The following MRPL48 variants were observed in gnomAD, a reference collection of about 807,000 sequenced individuals.
MRPL48 encodes mitochondrial ribosomal protein L48, also known as large ribosomal subunit protein mL48.
MRPL48 carries 16 observed loss-of-function variants against 32.9 expected under a neutral mutation model. That is an observed-to-expected ratio of 0.49 (90% CI 0.33 to 0.74). The LOEUF is 0.74. Among genes scored for constraint, MRPL48 ranks in the 30% least tolerant of loss-of-function variants. MRPL48 has a pLI of 0.02. For missense variants in MRPL48, 206 were observed against 245.3 expected (o/e 0.84, Z 1.07); for synonymous variants, 94 against 89.2 (o/e 1.05, Z -0.31).
At chr11:73,860,091 CTT>C in intron 6 of MRPL48, 82 bp downstream of exon 6, 1 of 1,151,898 alleles carries the variant, frequency 8.7e-7, no homozygotes, top group Non-Finnish European at 1.2e-6. Flanking sequence ...CTATTATGCT[CTT>C]TTCTTTTCTT....
intron 5 of MRPL48, chr11:73,850,897 C>T (rs1454239301): frequency 4.8e-5 from 12 of 249,082 alleles, no homozygotes; most frequent in Middle Eastern, 1.4e-3. Context: ...AGGATGGTCT[C>T]GATCTCCTGA....
At chr11:73,826,936 C>G (rs954577414) in intron 4 of MRPL48, among the ~76,000 whole-genome samples, 1 of 151,926 alleles carries the variant, frequency 6.6e-6, no homozygotes, top group East Asian at 2.0e-4. Context: ...GCCACCAAGC[C>G]TGGCTAATTT....
chr11:73,810,102 A>C (rs1318198668), intron 3 of MRPL48, among the ~76,000 whole-genome samples: 1 of 152,248 alleles, frequency 6.6e-6, no homozygotes, highest in African/African-American at 2.4e-5. Flanking sequence ...TAGGAATAAT[A>C]CAATGAACAT....
intron 1 of MRPL48, among the ~76,000 whole-genome samples, chr11:73,796,090 C>T (rs1947249310): frequency 6.6e-6 from 1 of 152,262 alleles, no homozygotes; most frequent in Non-Finnish European, 1.5e-5. Context: ...TGGCCAGAGC[C>T]AGTCAGAGCC....
chr11:73,798,523 G>C (rs1947300908), intron 1 of MRPL48, among the ~76,000 whole-genome samples: 1 of 152,204 alleles, frequency 6.6e-6, no homozygotes. Flanking sequence ...GTCAGAGTGG[G>C]GAACTAGGCA....
Position 73,859,984 on chromosome 11 carries a change from T to C in MRPL48, c.449T>C (p.Leu150Pro), listed in dbSNP as rs1948555619. The C allele has an allele frequency of 1.2e-6, 2 of 1,613,686 alleles. No homozygotes were observed. Among genetic ancestry groups the C allele is most frequent in the African/African-American group, 2.7e-5 (2 of 74,920 alleles). Residue 150 changes from leucine (L) to proline (P), a missense_variant, in exon 6 of 8, where the codon CTT (leucine) becomes CCT (proline). By Grantham distance (98) the Leu-to-Pro change is moderately conservative (BLOSUM62 -3). Coordinates refer to ENST00000310614, the MANE Select transcript of MRPL48 (RefSeq NM_016055.6). The part of the protein sequence containing the change: ...QGSKMLLDSV[L>P]TTHERVVQIS... The stretch of plus-strand genomic sequence containing the variant: ...AGCAAAATGCTCCTGGACTCAGTGC[T>C]TACCACCCATGAGCGAGTGGTTCAG...
chr11:73,844,113 C>A (rs1443800729), intron 4 of MRPL48, among the ~76,000 whole-genome samples: 1 of 151,662 alleles, frequency 6.6e-6, no homozygotes, highest in Admixed American at 6.6e-5. Flanking sequence ...TCATAGACCC[C>A]TTAATTCATA....
intron 4 of MRPL48, among the ~76,000 whole-genome samples, chr11:73,828,867 T>C (rs1947946025): frequency 6.6e-6 from 1 of 152,148 alleles, no homozygotes; most frequent in Admixed American, 6.5e-5. Context: ...AGGCAGTTAC[T>C]TCCCAAAATA....
At chr11:73,800,435 ACT>A (rs1398816177) in intron 1 of MRPL48, among the ~76,000 whole-genome samples, 1 of 151,816 alleles carries the variant, frequency 6.6e-6, no homozygotes, top group Non-Finnish European at 1.5e-5. Flanking sequence ...CCCACTCCAG[ACT>A]CTGATGTCTT....
intron 1 of MRPL48, among the ~76,000 whole-genome samples, chr11:73,802,773 T>C (rs907260632): frequency 1.1e-4 from 17 of 152,038 alleles, no homozygotes; most frequent in African/African-American, 3.9e-4. Flanking sequence ...AGTCACGGCT[T>C]ATTGCAGCCT....
At chr11:73,804,200 G>A in intron 1 of MRPL48, among the ~76,000 whole-genome samples, 1 of 152,068 alleles carries the variant, frequency 6.6e-6, no homozygotes, top group East Asian at 1.9e-4. Flanking sequence ...TTATAGGCAT[G>A]AGCCACCGTG....
chr11:73,823,178 C>T (rs1240551832), intron 3 of MRPL48: 1 of 246,424 alleles, frequency 4.1e-6, no homozygotes, highest in South Asian at 4.2e-5. Context: ...TTCCCCACTC[C>T]TCACATCTGT....
At chr11:73,815,396 G>T (rs567381930) in intron 3 of MRPL48, among the ~76,000 whole-genome samples, 1 of 151,692 alleles carries the variant, frequency 6.6e-6, no homozygotes, top group African/African-American at 2.4e-5. Context: ...CCTGGGCAAC[G>T]AGAGCGAAAC....
chr11:73,815,755 G>A (rs1312210820), intron 3 of MRPL48, among the ~76,000 whole-genome samples: 1 of 151,318 alleles, frequency 6.6e-6, no homozygotes, highest in African/African-American at 2.4e-5. Context: ...GGGACCGCTC[G>A]CTCTGTCACC....
chr11:73,835,790 C>T lies in MRPL48; in HGVS notation c.202-9017C>T, dbSNP rs527456742. On this transcript the variant is annotated intron_variant, in intron 4 of 7. Coordinates refer to ENST00000310614, the MANE Select transcript of MRPL48 (RefSeq NM_016055.6). ...GCAGATGCCTGTAATCACAGCTACT[C>T]GGGAGGCTGAGGCACAAGAATTGCT... is the stretch of plus-strand genomic sequence containing the variant. Among the ~76,000 whole-genome samples, 218 of 152,010 alleles carry T rather than the reference C, an allele frequency of 1.4e-3. 1 individual carries two copies. Among genetic ancestry groups the T allele is most frequent in the African/African-American group, 4.9e-3 (202 of 41,500 alleles).
chr11:73,830,791 A>G (rs1947979183), intron 4 of MRPL48, among the ~76,000 whole-genome samples: 1 of 151,366 alleles, frequency 6.6e-6, no homozygotes, highest in Admixed American at 6.6e-5. Flanking sequence ...TTGGGAAGGA[A>G]GGGGGTATCT....
chr11:73,820,432 C>T (rs879882636), intron 3 of MRPL48, among the ~76,000 whole-genome samples: 6 of 152,260 alleles, frequency 3.9e-5, no homozygotes, highest in Non-Finnish European at 8.8e-5. Flanking sequence ...ACCATGTTGG[C>T]CAGGCTGGTC....
At chr11:73,862,188 C>T (rs1272105553) in intron 6 of MRPL48, among the ~76,000 whole-genome samples, 2 of 152,072 alleles carry the variant, frequency 1.3e-5, no homozygotes, top group African/African-American at 2.4e-5. Context: ...TTTGGGAGGC[C>T]GAGGTGGGCG....
rs1396527131 is a variant in MRPL48 at position 73,837,028 on chromosome 11, C to T, written c.202-7779C>T. 1.3e-5 allele frequency among the ~76,000 whole-genome samples: 2 copies of T among 152,198 alleles called. 1 individual carries two copies. Among genetic ancestry groups the T allele is most frequent in the Middle Eastern group, 6.3e-3 (2 of 316 alleles). ...TATAAACATACTCAATCGCTGCATA[C>T]CTCACAGCTCATTATGGACTGTTGA... On this transcript the variant is annotated intron_variant, in intron 4 of 7. Coordinates refer to ENST00000310614, the MANE Select transcript of MRPL48 (RefSeq NM_016055.6).
Sources: gnomAD v4.1 joint callset for allele counts (sites outside exome capture counted in the v4.1 genomes callset) on GRCh38, gnomAD v4.1.1 for gene constraint, MANE v1.5 for transcripts, NCBI Gene and HGNC (gene_info 2026-07-23, HGNC 2026-07-21) for gene names.